TNNI3K: variants seen among roughly 807,000 people sequenced by gnomAD.
TNNI3K encodes serine/threonine-protein kinase TNNI3K.
TNNI3K carries 140 observed loss-of-function variants against 114.5 expected under a neutral mutation model. That is an observed-to-expected ratio of 1.22 (90% CI 1.07 to 1.41). The LOEUF (loss-of-function observed/expected upper bound fraction) is 1.41. TNNI3K is among the 40% of genes most tolerant of loss of function. TNNI3K has a pLI of 0.00. For synonymous variants in TNNI3K, 347 were observed against 347.5 expected (o/e 1.00, Z 0.02); for missense variants, 1,125 against 1,007.6 (o/e 1.12, Z -1.58).
chr1:74,462,581 A>T (rs780879638), intron 20 of TNNI3K, among the ~76,000 whole-genome samples: 3 of 152,220 alleles, frequency 2.0e-5, no homozygotes, highest in Non-Finnish European at 4.4e-5. Flanking sequence ...ACATAACAAC[A>T]ACAACAACAC....
At chr1:74,274,043 C>T (rs940720047) in intron 5 of TNNI3K, among the ~76,000 whole-genome samples, 1 of 151,814 alleles carries the variant, frequency 6.6e-6, no homozygotes, top group African/African-American at 2.4e-5. Context: ...TACATTTTGA[C>T]TACCCTAAAA....
chr1:74,480,932 T>C (rs181434347), intron 21 of TNNI3K: 55 of 717,068 alleles, frequency 7.7e-5, no homozygotes, highest in Middle Eastern at 4.6e-4. Flanking sequence ...GAGATATCCA[T>C]CGGTGATGAT....
At chr1:74,387,234 C>T (rs1282613146) in intron 17 of TNNI3K, among the ~76,000 whole-genome samples, 4 of 152,062 alleles carry the variant, frequency 2.6e-5, no homozygotes, top group Non-Finnish European at 5.9e-5. Flanking sequence ...AAAGTGTGAT[C>T]TTCTGGTATG....
At chr1:74,321,826 A>G (rs1659623303) in intron 5 of TNNI3K, among the ~76,000 whole-genome samples, 1 of 152,094 alleles carries the variant, frequency 6.6e-6, no homozygotes, top group Non-Finnish European at 1.5e-5. Flanking sequence ...AGATTTTTGT[A>G]CTCAAATACT....
chr1:74,301,200 G>A (rs978697656), intron 5 of TNNI3K, among the ~76,000 whole-genome samples: 1 of 152,134 alleles, frequency 6.6e-6, no homozygotes, highest in African/African-American at 2.4e-5. Flanking sequence ...AGGAGTTTGA[G>A]ATCATCCTGG....
intron 21 of TNNI3K, chr1:74,471,896 A>T: frequency 2.0e-6 from 1 of 503,702 alleles, no homozygotes; most frequent in Admixed American, 3.8e-5. Flanking sequence ...CAGGGCACAT[A>T]TTTACAGATA....
At chr1:74,275,371 T>C (rs1420356891) in intron 5 of TNNI3K, among the ~76,000 whole-genome samples, 1 of 152,100 alleles carries the variant, frequency 6.6e-6, no homozygotes, top group South Asian at 2.1e-4. Context: ...ACTTATTCAC[T>C]GCCACGAGAA....
chr1:74,465,943 C>G (rs1193792115), intron 21 of TNNI3K, among the ~76,000 whole-genome samples: 1 of 152,312 alleles, frequency 6.6e-6, no homozygotes, highest in Middle Eastern at 3.4e-3. Context: ...CAGTAAGCCA[C>G]TCTGGTCATC....
chr1:74,286,675 G>A (rs1158737099), intron 5 of TNNI3K, among the ~76,000 whole-genome samples: 1 of 151,324 alleles, frequency 6.6e-6, no homozygotes, highest in Non-Finnish European at 1.5e-5. Context: ...GCCTGCCTGA[G>A]GACTCCCGTG....
intron 9 of TNNI3K, among the ~76,000 whole-genome samples, chr1:74,349,317 A>C (rs1259436125): frequency 2.0e-5 from 3 of 152,192 alleles, no homozygotes; most frequent in Non-Finnish European, 2.9e-5. Context: ...CCCAGGGATG[A>C]AGCCCACTTG....
At chr1:74,324,110 A>T (rs955076426) in intron 5 of TNNI3K, among the ~76,000 whole-genome samples, 11 of 152,242 alleles carry the variant, frequency 7.2e-5, no homozygotes, top group African/African-American at 2.7e-4. Flanking sequence ...TCCTGCCCTG[A>T]CAGGGCTTCA....
intron 17 of TNNI3K, among the ~76,000 whole-genome samples, chr1:74,395,264 T>C (rs962565383): frequency 1.3e-5 from 2 of 152,120 alleles, no homozygotes; most frequent in Non-Finnish European, 2.9e-5. Context: ...TTCAGTGTTC[T>C]CAAGGTCTCT....
intron 17 of TNNI3K, among the ~76,000 whole-genome samples, chr1:74,408,070 T>G (rs1296241377): frequency 6.6e-6 from 1 of 152,180 alleles, no homozygotes; most frequent in Non-Finnish European, 1.5e-5. Context: ...TCAAGACTCC[T>G]GGAGAACCCT....
intron 20 of TNNI3K, among the ~76,000 whole-genome samples, chr1:74,454,424 A>C (rs1667148671): frequency 6.6e-6 from 1 of 151,954 alleles, no homozygotes; most frequent in Non-Finnish European, 1.5e-5. Context: ...TATCTCCATG[A>C]GTTCATTTTT....
At chr1:74,458,587 C>T (rs1007987028) in intron 20 of TNNI3K, among the ~76,000 whole-genome samples, 1 of 152,170 alleles carries the variant, frequency 6.6e-6, no homozygotes, top group African/African-American at 2.4e-5. Context: ...TACAGTGTTT[C>T]TTGATGGCTA....
In TNNI3K at chr1:74,274,609, A is replaced by C. The variant is rs45549631; in HGVS notation, c.444+2901A>C. Among the ~76,000 whole-genome samples, 933 of 152,208 alleles carry C rather than the reference A, an allele frequency of 6.1e-3. 8 individuals are homozygous for C. The highest frequency in any genetic ancestry group is 0.02 in the African/African-American group (846 of 41,552). On this transcript the variant is annotated intron_variant, in intron 5 of 24. Coordinates refer to ENST00000326637, the MANE Select transcript of TNNI3K (RefSeq NM_015978.3). Reference sequence around the variant, plus strand: ...AATAAATATGCAGAAAAAATATATAAGCAATTCAAATGTAAAACAGCAATA... The same window carrying C: ...AATAAATATGCAGAAAAAATATATACGCAATTCAAATGTAAAACAGCAATA...
intron 17 of TNNI3K, among the ~76,000 whole-genome samples, chr1:74,404,207 G>A (rs558389867): frequency 3.4e-4 from 51 of 152,142 alleles, no homozygotes; most frequent in African/African-American, 1.2e-3. Context: ...TCACCACCAA[G>A]GGTAAATCAG....
intron 4 of TNNI3K, among the ~76,000 whole-genome samples, chr1:74,261,829 T>G (rs1206296111): frequency 6.6e-6 from 1 of 152,160 alleles, no homozygotes; most frequent in African/African-American, 2.4e-5. Context: ...TATCCCATCC[T>G]ATATATTTCT....
chr1:74,396,693 A>T (rs548166251), intron 17 of TNNI3K, among the ~76,000 whole-genome samples: 2 of 152,340 alleles, frequency 1.3e-5, no homozygotes, highest in African/African-American at 4.8e-5. Context: ...ATGGGTTCAA[A>T]TACAAGTCCT....
Sources: gnomAD v4.1 joint callset for allele counts (sites outside exome capture counted in the v4.1 genomes callset) on GRCh38, gnomAD v4.1.1 for gene constraint, MANE v1.5 for transcripts, NCBI Gene and HGNC (gene_info 2026-07-23, HGNC 2026-07-21) for gene names.